SLC25A30: variants seen among roughly 807,000 people sequenced by gnomAD.
The protein encoded by SLC25A30 is solute carrier family 25 member 30, also known as kidney mitochondrial carrier protein 1.
Under a neutral mutation model 42.7 loss-of-function variants are expected in SLC25A30, and 29 were observed. The observed-to-expected ratio is 0.68, with a 90% CI of 0.51 to 0.93. The LOEUF (loss-of-function observed/expected upper bound fraction) is 0.93, where lower values mean the gene tolerates loss of function less well. Among genes scored for constraint, SLC25A30 ranks in the 40% least tolerant of loss-of-function variants. The pLI, the probability that SLC25A30 is intolerant of heterozygous loss-of-function variation, is 0.00. For missense variants in SLC25A30, 300 were observed against 359.7 expected, an observed-to-expected ratio of 0.83 and a Z score of 1.34; for synonymous variants, 124 against 131.0, an observed-to-expected ratio of 0.95 and a Z score of 0.37.
Position 45,411,343 on chromosome 13 carries a change from A to T in SLC25A30, c.64+19T>A, listed in dbSNP as rs778633710. 8.2e-6 allele frequency: 13 copies of T among 1,592,454 alleles called. No homozygotes were observed. Among genetic ancestry groups the T allele is most frequent in the Non-Finnish European group, 1.1e-5 (13 of 1,160,346 alleles). On this transcript the variant is annotated intron_variant, in intron 2 of 9. Coordinates refer to ENST00000519676, the MANE Select transcript of SLC25A30 (RefSeq NM_001010875.4). ...TCACATACAGCAGGCTACGTGATCC[A>T]CCACCCTCAGGTCCTTACCGCACTC... is the stretch of plus-strand genomic sequence containing the variant.
upstream of SLC25A30, among the ~76,000 whole-genome samples, chr13:45,419,884 C>T (rs1357155519): frequency 3.3e-5 from 5 of 151,650 alleles, no homozygotes; most frequent in Admixed American, 2.0e-4. Flanking sequence ...GAGCCGAGAT[C>T]ACGCCGCTGC....
At chr13:45,396,050 C>T in intron 9 of SLC25A30, 35 bp from the exon 10 acceptor site, 1 of 1,614,124 alleles carries the variant, frequency 6.2e-7, no homozygotes, top group Non-Finnish European at 8.5e-7. Flanking sequence ...ACAGAAAATG[C>T]CATCTTCACA....
chr13:45,398,955 C>T lies in SLC25A30; in HGVS notation c.738G>A (p.Leu246=), dbSNP rs1336847228. The T allele has an allele frequency of 1.2e-6, 2 of 1,613,868 alleles. No homozygotes were observed. The highest frequency in any genetic ancestry group is 2.7e-5 in the African/African-American group (2 of 74,886). ...DGRCSGYTGT[L]DCLLQTWKNE... is the part of the protein sequence containing the mutation. ...CTGCTCTTACCTGTAACAAGCAATC[C>T]AGGGTTCCTGTGTAGCCAGAACATC... The change falls in exon 8 of 10, where the codon CTG becomes CTA. Residue 246 remains leucine, a synonymous_variant. Coordinates refer to ENST00000519676, the MANE Select transcript of SLC25A30 (RefSeq NM_001010875.4).
the SLC25A30 span, among the ~76,000 whole-genome samples, chr13:45,424,975 A>T: frequency 8.9e-5 from 1 of 11,206 alleles, no homozygotes; most frequent in East Asian, 1.7e-3. Context: ...AATATATATA[A>T]GTATATAAAA....
At chr13:45,411,945 C>CAAAAAAAA (rs34248795) in intron 1 of SLC25A30, 1 of 92,238 alleles carries the variant, frequency 1.1e-5, no homozygotes. Context: ...CACCCTGTGT[C>CAAAAAAAA]AAAAAAAAAA....
chr13:45,403,570 T>A (rs1882203707), intron 5 of SLC25A30, among the ~76,000 whole-genome samples: 1 of 152,186 alleles, frequency 6.6e-6, no homozygotes, highest in African/African-American at 2.4e-5. Flanking sequence ...TTCAATAAGG[T>A]CTCCTAATGT....
At chr13:45,425,463 T>G in the SLC25A30 span, among the ~76,000 whole-genome samples, 8 of 101,170 alleles carry the variant, frequency 7.9e-5, no homozygotes, top group African/African-American at 2.9e-4. Flanking sequence ...AGTGTATATA[T>G]AAATATATAT....
At chr13:45,426,577 C>G in the SLC25A30 span, among the ~76,000 whole-genome samples, 1 of 152,034 alleles carries the variant, frequency 6.6e-6, no homozygotes, top group Non-Finnish European at 1.5e-5. Context: ...TCAGCTGTGC[C>G]TTATCGTTTC....
At chr13:45,424,880 A>G in the SLC25A30 span, among the ~76,000 whole-genome samples, 9 of 43,400 alleles carry the variant, frequency 2.1e-4, no homozygotes, top group East Asian at 3.4e-3. Flanking sequence ...ATATAAATAT[A>G]TAAATATATA....
chr13:45,404,861 G>T (rs1450812604), intron 4 of SLC25A30, among the ~76,000 whole-genome samples: 2 of 152,058 alleles, frequency 1.3e-5, no homozygotes, highest in African/African-American at 4.8e-5. Flanking sequence ...ATTTTAAAAG[G>T]ATTAGAAATT....
chr13:45,426,189 C>G, the SLC25A30 span, among the ~76,000 whole-genome samples: 1 of 151,796 alleles, frequency 6.6e-6, no homozygotes, highest in Non-Finnish European at 1.5e-5. Flanking sequence ...CAGGTTCAAG[C>G]AATTCTCCTG....
the SLC25A30 span, among the ~76,000 whole-genome samples, chr13:45,426,257 T>G: frequency 2.0e-5 from 3 of 151,698 alleles, no homozygotes; most frequent in African/African-American, 4.8e-5. Flanking sequence ...CAGCTAATTT[T>G]TGTGTTTTTA....
intron 1 of SLC25A30, among the ~76,000 whole-genome samples, chr13:45,415,890 C>T (rs1221391892): frequency 1.4e-5 from 2 of 147,284 alleles, no homozygotes; most frequent in Non-Finnish European, 3.0e-5. Context: ...ACCTCTGCCT[C>T]CCAGGTTCAA....
In SLC25A30 at chr13:45,396,049, G is replaced by A. The variant is rs747490492; in HGVS notation, c.835-34C>T. The A allele has an allele frequency of 3.1e-6, 5 of 1,614,036 alleles. No individual in the cohort carries two copies. In the African/African-American group the frequency reaches 4.0e-5, roughly 13 times the overall value. On this transcript the variant is annotated intron_variant, in intron 9 of 9. Transcript: ENST00000519676. ...ATGGGTTAAGGATGACACAGAAAATGCCATCTTCACAACTCCAGTGCATAA... is the reference window on the plus strand; with the variant it reads ...ATGGGTTAAGGATGACACAGAAAATACCATCTTCACAACTCCAGTGCATAA...
intron 1 of SLC25A30, among the ~76,000 whole-genome samples, chr13:45,413,455 A>T (rs1477083747): frequency 6.6e-6 from 1 of 152,200 alleles, no homozygotes; most frequent in Non-Finnish European, 1.5e-5. Context: ...TAAAAAGCAA[A>T]ACAAAGCCAG....
the SLC25A30 span, among the ~76,000 whole-genome samples, chr13:45,425,607 T>TATATAAGTATATATATAA: frequency 2.2e-5 from 1 of 46,376 alleles, no homozygotes; most frequent in African/African-American, 1.1e-4. Flanking sequence ...CATATATATA[T>TATATAAGTATATATATAA]ACATATATAA....
rs1471290464 is a variant in SLC25A30 at position 45,401,084 on chromosome 13, G to A, written c.613C>T (p.Leu205Phe). 1.9e-6 allele frequency: 3 copies of A among 1,603,134 alleles called. No individual in the cohort carries two copies. The highest frequency in any genetic ancestry group is 2.2e-5 in the East Asian group (1 of 44,794). ...LMGDTVYTHFLSSFTCGLAGA... is the reference protein window; with the variant it reads ...LMGDTVYTHFFSSFTCGLAGA... Reference sequence around the variant, plus strand: ...TTTTAAAAAAAGCCATGAACATACAGGAAGTGGGTATACACAGTGTCTCCC... The same window carrying A: ...TTTTAAAAAAAGCCATGAACATACAAGAAGTGGGTATACACAGTGTCTCCC... Residue 205 changes from leucine to phenylalanine, a missense_variant and splice_region_variant, in exon 7 of 10, where the codon CTC (leucine) becomes TTC (phenylalanine). Leu to Phe is a conservative substitution (Grantham distance 22). Coordinates refer to ENST00000519676, the MANE Select transcript of SLC25A30 (RefSeq NM_001010875.4).
intron 3 of SLC25A30, 31 bp downstream of exon 3, chr13:45,408,896 G>C (rs1315205594): frequency 6.3e-7 from 1 of 1,578,996 alleles, no homozygotes. Flanking sequence ...ACAGTGAACA[G>C]TGACACAGAA....
At chr13:45,423,423 T>G (rs1182861167), upstream of SLC25A30, among the ~76,000 whole-genome samples, 1 of 148,404 alleles carries the variant, frequency 6.7e-6, no homozygotes, top group Non-Finnish European at 1.5e-5. Flanking sequence ...TCTTTTTAAT[T>G]TTTATGCCCA....
Sources: gnomAD v4.1 joint callset for allele counts (sites outside exome capture counted in the v4.1 genomes callset) on GRCh38, gnomAD v4.1.1 for gene constraint, MANE v1.5 for transcripts, NCBI Gene and HGNC (gene_info 2026-07-23, HGNC 2026-07-21) for gene names.